GRIK3: variants seen among roughly 807,000 people sequenced by gnomAD.
GRIK3 encodes the protein glutamate ionotropic receptor kainate type subunit 3.
GRIK3 carries 29 observed loss-of-function variants against 102.5 expected under a neutral mutation model. The ratio of observed to expected loss-of-function variants is 0.28; its 90% CI spans 0.21 to 0.39. GRIK3 has a LOEUF of 0.39. Ranked by LOEUF, GRIK3 falls within the 10% of genes least tolerant of loss-of-function variation. GRIK3 has a pLI of 1.00. For missense variants in GRIK3, 908 were observed against 1,252.4 expected, an observed-to-expected ratio of 0.73 and a Z score of 4.15; for synonymous variants, 511 against 504.9, an observed-to-expected ratio of 1.01 and a Z score of -0.16.
chr1:37,024,480 T>A (rs967697632), intron 1 of GRIK3, among the ~76,000 whole-genome samples: 1 of 95,954 alleles, frequency 1.0e-5, no homozygotes, highest in East Asian at 2.1e-4. Context: ...TATTATTATT[T>A]TGAGATATTA....
intron 1 of GRIK3, among the ~76,000 whole-genome samples, chr1:37,024,364 T>C (rs2124081984): frequency 6.6e-6 from 1 of 152,150 alleles, no homozygotes; most frequent in Non-Finnish European, 1.5e-5. Flanking sequence ...ATGTATTGAG[T>C]GCTTACCACG....
intron 1 of GRIK3, among the ~76,000 whole-genome samples, chr1:36,992,595 T>A (rs1383994392): frequency 6.6e-6 from 1 of 151,576 alleles, no homozygotes; most frequent in East Asian, 1.9e-4. Flanking sequence ...TGTAGAGAGG[T>A]GAAGAGGAGG....
intron 1 of GRIK3, among the ~76,000 whole-genome samples, chr1:36,931,657 A>G (rs547047928): frequency 5.7e-4 from 87 of 152,304 alleles, no homozygotes; most frequent in African/African-American, 1.8e-3. Context: ...TTTCTTTGCC[A>G]TATGCCTGAG....
At chr1:36,941,334 T>C (rs773226132) in intron 1 of GRIK3, among the ~76,000 whole-genome samples, 1 of 152,164 alleles carries the variant, frequency 6.6e-6, no homozygotes, top group African/African-American at 2.4e-5. Flanking sequence ...AAAACAACCT[T>C]TTTATCTGTT....
At chr1:36,833,408 T>C (rs1432685850) in intron 10 of GRIK3, among the ~76,000 whole-genome samples, 1 of 151,922 alleles carries the variant, frequency 6.6e-6, no homozygotes, top group East Asian at 1.9e-4. Flanking sequence ...CTCAGAGAGG[T>C]CCTGGTGAAT....
chr1:36,880,534 C>T lies in GRIK3; in HGVS notation c.550+100G>A. 3 of 1,194,116 alleles carry T rather than the reference C, an allele frequency of 2.5e-6. No homozygotes were observed. The highest frequency in any genetic ancestry group is 1.4e-5 in the South Asian group (1 of 73,888). 74.0% of individuals were successfully genotyped at this position (1,194,116 alleles called of 1,614,324 possible). A position where few individuals can be genotyped will look rare whatever the true frequency, so the allele number is the denominator to read the frequency against. ...ACTGGGGTATGGAACACAGCCTCTT[C>T]CCCCAGGGCAGCTGTGCTGAACAAA... On this transcript the variant is annotated intron_variant, in intron 3 of 15. Transcript: ENST00000373091. The surrounding 1 kb of genome is among the most constrained non-coding windows in gnomAD (Gnocchi z 5.4).
chr1:36,988,624 C>G (rs1260807669), intron 1 of GRIK3, among the ~76,000 whole-genome samples: 1 of 152,200 alleles, frequency 6.6e-6, no homozygotes, highest in African/African-American at 2.4e-5. Context: ...CCACAAAGTG[C>G]CGAGTCACAG....
chr1:36,871,054 T>C (rs1255088823), intron 4 of GRIK3, among the ~76,000 whole-genome samples: 1 of 152,108 alleles, frequency 6.6e-6, no homozygotes, highest in Non-Finnish European at 1.5e-5. Flanking sequence ...GTCAACTGCC[T>C]GCTGGGTGTC....
chr1:36,941,132 A>G (rs964772158), intron 1 of GRIK3, among the ~76,000 whole-genome samples: 3 of 152,118 alleles, frequency 2.0e-5, no homozygotes, highest in Non-Finnish European at 2.9e-5. Flanking sequence ...GTGCAGGTGC[A>G]GGTCTCCCAT....
chr1:36,953,204 G>C (rs1409065854), intron 1 of GRIK3, among the ~76,000 whole-genome samples: 1 of 152,206 alleles, frequency 6.6e-6, no homozygotes, highest in Non-Finnish European at 1.5e-5. Context: ...CCCTGCCCCT[G>C]CCTCATAGCA....
rs143228435 is a variant in GRIK3, at chr1:36,958,031, G to C, written c.116-66935C>G. ...TGTGCCCGGTGAGTCTGTGCCCCATGAGCCTGTGTGCTCTTTGAATCTTTG... is the reference window on the plus strand; with the variant it reads ...TGTGCCCGGTGAGTCTGTGCCCCATCAGCCTGTGTGCTCTTTGAATCTTTG... On this transcript the variant is annotated intron_variant, in intron 1 of 15. Transcript: ENST00000373091. 5.2e-3 allele frequency among the ~76,000 whole-genome samples: 670 copies of C among 127,798 alleles called. 12 individuals carry two copies. Among genetic ancestry groups the C allele is most frequent in the African/African-American group, 0.02 (634 of 31,386 alleles). 83.8% of individuals were successfully genotyped at this position (127,798 alleles called of 152,430 possible). A position where few individuals can be genotyped will look rare whatever the true frequency, so the allele number is the denominator to read the frequency against.
At chr1:36,865,504 T>G (rs894210932) in intron 5 of GRIK3, among the ~76,000 whole-genome samples, 2 of 152,206 alleles carry the variant, frequency 1.3e-5, no homozygotes, top group African/African-American at 4.8e-5. Context: ...AAGTGGATCC[T>G]GAAGACCGGA....
chr1:36,948,147 G>C (rs1180296847), intron 1 of GRIK3, among the ~76,000 whole-genome samples: 3 of 151,912 alleles, frequency 2.0e-5, no homozygotes, highest in African/African-American at 7.2e-5. Context: ...TATCAAACTG[G>C]GGCAGTACTA....
chr1:36,955,300 G>A (rs1641893012), intron 1 of GRIK3, among the ~76,000 whole-genome samples: 1 of 152,152 alleles, frequency 6.6e-6, no homozygotes. Flanking sequence ...GGGGCGGTGG[G>A]GTACAGGGGC....
intron 9 of GRIK3, among the ~76,000 whole-genome samples, chr1:36,849,184 T>G (rs907043121): frequency 6.6e-6 from 1 of 152,174 alleles, no homozygotes; most frequent in African/African-American, 2.4e-5. Context: ...TCCTGTTCCA[T>G]GACATCTGCC....
At chr1:36,953,656 G>C (rs901030866) in intron 1 of GRIK3, among the ~76,000 whole-genome samples, 1 of 152,016 alleles carries the variant, frequency 6.6e-6, no homozygotes, top group Non-Finnish European at 1.5e-5. Context: ...AAGGAAAGGT[G>C]ACTAGGAAGG....
At chr1:36,960,169 T>A (rs1641989479) in intron 1 of GRIK3, among the ~76,000 whole-genome samples, 1 of 147,360 alleles carries the variant, frequency 6.8e-6, no homozygotes, top group Non-Finnish European at 1.5e-5. Flanking sequence ...TGTGAGCCTG[T>A]GTGCCCTGTG....
chr1:36,813,592 T>C (rs1170320160), intron 13 of GRIK3, among the ~76,000 whole-genome samples: 1 of 152,080 alleles, frequency 6.6e-6, no homozygotes, highest in African/African-American at 2.4e-5. Flanking sequence ...TTTCTCTGGG[T>C]TAATCTCAGG....
intron 1 of GRIK3, among the ~76,000 whole-genome samples, chr1:37,005,023 G>A (rs1368302790): frequency 6.6e-6 from 1 of 152,200 alleles, no homozygotes; most frequent in Non-Finnish European, 1.5e-5. Flanking sequence ...GCCTGTCTCA[G>A]ACACCTATCT....
Sources: allele counts gnomAD v4.1 joint callset (sites outside exome capture counted in the v4.1 genomes callset), GRCh38; gene constraint gnomAD v4.1.1; non-coding constraint Gnocchi (gnomAD v3.1); transcripts MANE v1.5; gene names NCBI Gene and HGNC (gene_info 2026-07-23, HGNC 2026-07-21).